The following ENTPD8 variants were observed in gnomAD, a reference collection of about 807,000 sequenced individuals.
ENTPD8 encodes E-NTPDase 8.
Under a neutral mutation model 47.0 loss-of-function variants are expected in ENTPD8, and 35 were observed. The observed-to-expected ratio is 0.75, with a 90% confidence interval of 0.57 to 0.99. The LOEUF (loss-of-function observed/expected upper bound fraction) is 0.99, where lower values mean the gene tolerates loss of function less well. ENTPD8 is among the 50% of genes least tolerant of loss of function. The pLI, the probability that ENTPD8 is intolerant of heterozygous loss-of-function variation, is 0.00. For synonymous variants in ENTPD8, 308 were observed against 290.5 expected (o/e 1.06, Z -0.61); for missense variants, 668 against 649.9 (o/e 1.03, Z -0.30).
At position 137,436,632 on chromosome 9, in the gene ENTPD8, G is replaced by A. The variant is rs767665641; in HGVS notation, c.675C>T (p.Ser225=). The change falls in exon 6 of 10, where the codon AGC becomes AGT. Residue 225 remains serine (S), a synonymous_variant. Coordinates refer to ENST00000371506, the MANE Select transcript of ENTPD8 (RefSeq NM_001033113.2). ...CGTAGAGGCGAAAATCGGCCTGGGT[G>A]CTCTTGTCCAAGATGGGGCCCCCAG... The part of the protein sequence containing the change: ...FVPGGPILDK[S]TQADFRLYGS... The A allele has an allele frequency of 1.2e-6, 2 of 1,606,646 alleles. No homozygotes were observed. Among genetic ancestry groups the A allele is most frequent in the South Asian group, 1.1e-5 (1 of 89,912 alleles).
intron 8 of ENTPD8, 38 bp from the exon 9 acceptor site, chr9:137,435,376 CT>C: frequency 1.3e-6 from 2 of 1,592,048 alleles, no homozygotes; most frequent in South Asian, 1.1e-5. Flanking sequence ...GTGAGGGCCC[CT>C]GATCCCCAGT....
At chr9:137,435,653 C>T in intron 8 of ENTPD8, 66 bp downstream of exon 8, 2 of 1,466,118 alleles carry the variant, frequency 1.4e-6, no homozygotes, top group Non-Finnish European at 1.9e-6. Flanking sequence ...CTCCAGCATC[C>T]TGCCCGAGGC....
intron 8 of ENTPD8, 72 bp downstream of exon 8, chr9:137,435,647 A>G: frequency 1.4e-6 from 2 of 1,433,886 alleles, no homozygotes; most frequent in Non-Finnish European, 2.0e-6. Context: ...ATGAGGCTCC[A>G]GCATCCTGCC....
At position 137,438,225 on chromosome 9, in the gene ENTPD8, C is replaced by T; in HGVS notation, c.61G>A (p.Gly21Ser). The change falls in exon 2 of 10, where the codon GGC becomes AGC. Residue 21 changes from glycine to serine, a missense_variant. Physicochemically the swap from Gly to Ser is moderately conservative, Grantham distance 56. Coordinates refer to ENST00000371506, the MANE Select transcript of ENTPD8 (RefSeq NM_001033113.2). The surrounding 1 kb of genome is among the most constrained non-coding windows in gnomAD (Gnocchi z 5.7). ...LALLGASGVS[G>S]LTALILLLVE... ...AGGAGGAGAATGAGTGCCGTGAGGC[C>T]TGAGACCCCCGAGGCCCCCAGCAGG... 1 of 1,604,110 alleles carries T rather than the reference C, an allele frequency of 6.2e-7. No homozygotes were observed. Among genetic ancestry groups the T allele is most frequent in the African/African-American group, 1.3e-5 (1 of 74,884 alleles).
chr9:137,438,794 A>G lies in ENTPD8; in HGVS notation c.-20-489T>C, dbSNP rs1839440013. ...GGCAGCAGAGGCCTCGTCTGGGGAC[A>G]CAGCCCCAGCAGGATCCAAGTAGCC... On this transcript the variant is annotated intron_variant, in intron 1 of 9. Coordinates refer to ENST00000371506, the MANE Select transcript of ENTPD8 (RefSeq NM_001033113.2). The surrounding 1 kb of genome is among the most constrained non-coding windows in gnomAD (Gnocchi z 5.7). Among the ~76,000 whole-genome samples the G allele has an allele frequency of 6.6e-6, 1 of 152,090 alleles. No individual in the cohort carries two copies. Among genetic ancestry groups the G allele is most frequent in the African/African-American group, 2.4e-5 (1 of 41,414 alleles).
Position 137,434,946 on chromosome 9 carries a change from C to T in ENTPD8, c.1456G>A (p.Ala486Thr), listed in dbSNP as rs1317965385. Residue 486 changes from alanine to threonine, a missense_variant, in exon 10 of 10, where the codon GCC becomes ACC. By Grantham distance (58) the Ala-to-Thr change is moderately conservative. Transcript: ENST00000371506. ...TGCAACCAGAAGAGCTGGACCAAGG[C>T]AGCCCCCACCACCGCCACCAGGGCC... Reference protein sequence around the residue: ...VLALVAVVGAALVQLFWLQD With the variant: ...VLALVAVVGATLVQLFWLQD 1.9e-6 allele frequency: 3 copies of T among 1,612,010 alleles called. No homozygotes were observed. In the Admixed American group the frequency reaches 5.0e-5, roughly 27 times the overall value.
chr9:137,436,122 C>T lies in ENTPD8; in HGVS notation c.941G>A (p.Gly314Glu), dbSNP rs1477461885. 1 of 1,612,910 alleles carries T rather than the reference C, an allele frequency of 6.2e-7. No homozygotes were observed. Among genetic ancestry groups the T allele is most frequent in the African/African-American group, 1.3e-5 (1 of 74,942 alleles). ...TTCCCGGATGGCTGAGACGCAGGCT[C>T]CAGGGTTGCCTGTCCCTTCAACTGT... ...NLTVEGTGNP[G>E]ACVSAIRELF... The change falls in exon 7 of 10, where the codon GGA (glycine) becomes GAA (glutamate). Residue 314 changes from glycine to glutamate, a missense_variant. Coordinates refer to ENST00000371506, the MANE Select transcript of ENTPD8 (RefSeq NM_001033113.2).
At chr9:137,435,485 C>T (rs1454016734) in intron 8 of ENTPD8, 147 bp from the exon 9 acceptor site, 5 of 1,375,060 alleles carry the variant, frequency 3.6e-6, no homozygotes, top group African/African-American at 1.5e-5. Flanking sequence ...GCCCCACCGA[C>T]CAGTTACGTG....
At position 137,436,151 on chromosome 9, in the gene ENTPD8, G is replaced by T. The variant is rs766063375; in HGVS notation, c.912C>A (p.Asn304Lys). Reference sequence around the variant, plus strand: ...GGTTGCCTGTCCCTTCAACTGTGAGGTTCTGGGGGAGGCTCAGCGGGGGCG... The same window carrying T: ...GGTTGCCTGTCCCTTCAACTGTGAGTTTCTGGGGGAGGCTCAGCGGGGGCG... ...HATPPLSLPQ[N>K]LTVEGTGNPG... Residue 304 changes from asparagine to lysine, a missense_variant, in exon 7 of 10, where the codon AAC becomes AAA. Asn to Lys is a moderately conservative substitution (Grantham distance 94, BLOSUM62 0). Coordinates refer to ENST00000371506, the MANE Select transcript of ENTPD8 (RefSeq NM_001033113.2). 23 of 1,612,870 alleles carry T rather than the reference G, an allele frequency of 1.4e-5. No individual in the cohort carries two copies. The South Asian group carries it at 2.3e-4, about 16-fold the overall frequency.
Position 137,439,448 on chromosome 9 carries a change from C to T in ENTPD8, c.-20-1143G>A, listed in dbSNP as rs377634020. Among the ~76,000 whole-genome samples the T allele has an allele frequency of 2.0e-4, 30 of 152,290 alleles. 1 individual carries two copies. The South Asian group carries it at 3.5e-3, about 18-fold the overall frequency. On this transcript the variant is annotated intron_variant, in intron 1 of 9. Transcript: ENST00000371506. ...GTGACCGTGTCCTATCGTGTTCCCC[C>T]GGGAAACGTTGCACCCACACTGAGT...
rs894730126 is a variant in ENTPD8 at position 137,438,556 on chromosome 9, G to A, written c.-20-251C>T. Among the ~76,000 whole-genome samples the A allele has an allele frequency of 6.6e-6, 1 of 151,058 alleles. No individual in the cohort carries two copies. The highest frequency in any genetic ancestry group is 1.5e-5 in the Non-Finnish European group (1 of 67,588). On this transcript the variant is annotated intron_variant, in intron 1 of 9. Coordinates refer to ENST00000371506, the MANE Select transcript of ENTPD8 (RefSeq NM_001033113.2). This position sits in a 1 kb window ranked among gnomAD's most constrained non-coding sequence, Gnocchi z 5.7. Reference sequence around the variant, plus strand: ...CCGTGGCCATAGAGGCATCTCCGGGGCTCAGACGGCCTCCCGTGGCCATAG... The same window carrying A: ...CCGTGGCCATAGAGGCATCTCCGGGACTCAGACGGCCTCCCGTGGCCATAG...
intron 3 of ENTPD8, 140 bp downstream of exon 3, chr9:137,437,827 G>C (rs1013521618): frequency 3.9e-6 from 3 of 767,428 alleles, no homozygotes; most frequent in Non-Finnish European, 6.4e-6. Context: ...GTGAACGCAG[G>C]CTCCGGCCCA....
In ENTPD8 at chr9:137,434,444, C is replaced by A; in HGVS notation, c.*470G>T. 6.9e-7 allele frequency: 1 copy of A among 1,449,624 alleles called. No homozygotes were observed. Among genetic ancestry groups the A allele is most frequent in the Non-Finnish European group, 9.2e-7 (1 of 1,084,226 alleles). The allele number at this position is 1,449,624 out of a possible 1,614,324, so 89.8% of individuals were successfully genotyped here. A position where few individuals can be genotyped will look rare whatever the true frequency, so the allele number is the denominator to read the frequency against. On this transcript the variant is annotated 3_prime_UTR_variant, in exon 10 of 10. Coordinates refer to ENST00000371506, the MANE Select transcript of ENTPD8 (RefSeq NM_001033113.2). ...AAGTGGGTGTGGGAGGCCGGGCTGG[C>A]CCAGCAGAAGCCCCCAGGCCTGGAC... is the stretch of plus-strand genomic sequence containing the variant.
At chr9:137,439,727 G>C (rs1391181257) in intron 1 of ENTPD8, among the ~76,000 whole-genome samples, 1 of 152,022 alleles carries the variant, frequency 6.6e-6, no homozygotes, top group Non-Finnish European at 1.5e-5. Context: ...CAGGAACACA[G>C]GGACTCCACA....
At position 137,435,046 on chromosome 9, in the gene ENTPD8, G is replaced by C; in HGVS notation, c.1356C>G (p.Ile452Met). The C allele has an allele frequency of 6.2e-7, 1 of 1,612,540 alleles. No individual in the cohort carries two copies. The highest frequency in any genetic ancestry group is 1.7e-5 in the Admixed American group (1 of 59,992). Residue 452 changes from isoleucine (I) to methionine (M), a missense_variant, in exon 10 of 10, where the codon ATC becomes ATG. Physicochemically the swap from Ile to Met is conservative, Grantham distance 10. Coordinates refer to ENST00000371506, the MANE Select transcript of ENTPD8 (RefSeq NM_001033113.2). Reference protein sequence around the residue: ...LGYMLNLTGMIPADAPAQWRA... With the variant: ...LGYMLNLTGMMPADAPAQWRA... ...GCCACTGAGCCGGCGCATCGGCCGG[G>C]ATCATCCCGGTCAGGTTCAGCATGT...
At chr9:137,435,614 C>T in intron 8 of ENTPD8, 105 bp downstream of exon 8, 1 of 1,221,196 alleles carries the variant, frequency 8.2e-7, no homozygotes, top group Non-Finnish European at 1.2e-6. Flanking sequence ...CCTCCCCCGG[C>T]CCTGCTGGCC....
Position 137,435,214 on chromosome 9 carries a change from A to T in ENTPD8, c.1286T>A (p.Phe429Tyr). 1 of 1,611,142 alleles carries T rather than the reference A, an allele frequency of 6.2e-7. No individual in the cohort carries two copies. Among genetic ancestry groups the T allele is most frequent in the East Asian group, 2.2e-5 (1 of 44,864 alleles). The part of the protein sequence containing the change: ...FSEETWPSLE[F>Y]RKQAGGVDIG... ...AGGGGAGGCAGTCACCTGCTTTCGG[A>T]ACTCGAGGCTGGGCCAGGTCTCCTC... The change falls in exon 9 of 10, where the codon TTC becomes TAC. Residue 429 changes from phenylalanine (F) to tyrosine (Y), a missense_variant. Transcript: ENST00000371506.
chr9:137,437,457 G>A, intron 3 of ENTPD8, 148 bp from the exon 4 acceptor site: 2 of 988,122 alleles, frequency 2.0e-6, no homozygotes, highest in Non-Finnish European at 2.9e-6. Context: ...AAGCAGGAAG[G>A]ACCCTAACCC....
At position 137,437,327 on chromosome 9, in the gene ENTPD8, G is replaced by T; in HGVS notation, c.245-18C>A. The T allele has an allele frequency of 6.2e-7, 1 of 1,604,958 alleles. No individual in the cohort carries two copies. Among genetic ancestry groups the T allele is most frequent in the Non-Finnish European group, 8.5e-7 (1 of 1,175,020 alleles). On this transcript the variant is annotated intron_variant, in intron 3 of 9. Transcript: ENST00000371506. ...TCCAGGCCCTGGAACAGCAGCCGGG[G>T]ACAGAGCTCCAGACCCCGCAGGCTG...
Sources: allele counts gnomAD v4.1 joint callset (sites outside exome capture counted in the v4.1 genomes callset), GRCh38; gene constraint gnomAD v4.1.1; non-coding constraint Gnocchi (gnomAD v3.1); transcripts MANE v1.5; gene names NCBI Gene and HGNC (gene_info 2026-07-23, HGNC 2026-07-21).